The following RBP2 variants were observed in gnomAD, a reference collection of about 807,000 sequenced individuals.
The protein encoded by RBP2 is retinol binding protein 2.
RBP2 carries 17 observed loss-of-function variants against 17.0 expected under a neutral mutation model. The observed-to-expected ratio is 1.00, with a 90% CI of 0.68 to 1.50. RBP2 has a LOEUF of 1.50. Ranked by LOEUF, RBP2 falls within the 40% of genes most tolerant of loss-of-function variation. The pLI is 0.00. For missense variants in RBP2, 158 were observed against 168.2 expected, an observed-to-expected ratio of 0.94 and a Z score of 0.33; for synonymous variants, 48 against 57.1, an observed-to-expected ratio of 0.84 and a Z score of 0.72.
chr3:139,460,200 G>A (rs1264483068), intron 2 of RBP2, among the ~76,000 whole-genome samples: 1 of 152,192 alleles, frequency 6.6e-6, no homozygotes, highest in African/African-American at 2.4e-5. Flanking sequence ...GAAATTCTGA[G>A]ATCAATTTTC....
Position 139,456,743 on chromosome 3 carries a change from T to A in RBP2, c.253-1913A>T, listed in dbSNP as rs555598048. On this transcript the variant is annotated intron_variant, in intron 2 of 3. Coordinates refer to ENST00000232217, the MANE Select transcript of RBP2 (RefSeq NM_004164.3). ...TTACTTTTTACTTTTTGATTTTTTT[T>A]AACCATCTGCATGTATTCATATTCC... Among the ~76,000 whole-genome samples the A allele has an allele frequency of 5.3e-5, 8 of 152,316 alleles. No individual in the cohort carries two copies. In the East Asian group the frequency reaches 1.2e-3, roughly 22 times the overall value.
At chr3:139,459,532 A>G (rs536850128) in intron 2 of RBP2, among the ~76,000 whole-genome samples, 199 of 150,850 alleles carry the variant, frequency 1.3e-3, no homozygotes, top group African/African-American at 4.8e-3. Context: ...CTGAGGCAGG[A>G]GAATTGCTTG....
In RBP2 at chr3:139,457,306, C is replaced by A. The variant is rs1350370581; in HGVS notation, c.253-2476G>T. Among the ~76,000 whole-genome samples the A allele has an allele frequency of 2.0e-5, 3 of 152,334 alleles. No individual in the cohort carries two copies. In the East Asian group the frequency reaches 5.8e-4, roughly 29 times the overall value. On this transcript the variant is annotated intron_variant, in intron 2 of 3. Transcript: ENST00000232217. ...CACGTACATCAATATGGTCATTGTT[C>A]ATTTACTTGTCTGCCTTCCCCAGGA...
chr3:139,454,717 C>A lies in RBP2; in HGVS notation c.354+12G>T. 1 of 1,613,032 alleles carries A rather than the reference C, an allele frequency of 6.2e-7. No homozygotes were observed. Among genetic ancestry groups the A allele is most frequent in the Non-Finnish European group, 8.5e-7 (1 of 1,178,986 alleles). On this transcript the variant is annotated intron_variant, in intron 3 of 3. Coordinates refer to ENST00000232217, the MANE Select transcript of RBP2 (RefSeq NM_004164.3). ...CACAATGGAAGTGAGCTGAGCAGAACCCAGTACTTACCAGGTACAGCTTGT... is the reference window on the plus strand; with the variant it reads ...CACAATGGAAGTGAGCTGAGCAGAAACCAGTACTTACCAGGTACAGCTTGT...
intron 1 of RBP2, among the ~76,000 whole-genome samples, chr3:139,464,263 C>T (rs1172176819): frequency 1.3e-5 from 2 of 152,138 alleles, no homozygotes; most frequent in Non-Finnish European, 1.5e-5. Flanking sequence ...AGTTCAAGAC[C>T]AGCCTGGCCA....
intron 2 of RBP2, among the ~76,000 whole-genome samples, chr3:139,461,719 C>T (rs570656548): frequency 1.3e-5 from 2 of 152,354 alleles, no homozygotes; most frequent in East Asian, 1.9e-4. Context: ...CTGGCATCTT[C>T]AGGCTTCGCT....
At position 139,459,492 on chromosome 3, in the gene RBP2, G is replaced by A. The variant is rs201664493; in HGVS notation, c.252+2620C>T. On this transcript the variant is annotated intron_variant, in intron 2 of 3. Coordinates refer to ENST00000232217, the MANE Select transcript of RBP2 (RefSeq NM_004164.3). ...TATATATTTAGCCAGGCATGGTGGC[G>A]CACGCCTGTAATCCCAGCTACTTGG... 1.0e-4 allele frequency among the ~76,000 whole-genome samples: 15 copies of A among 147,128 alleles called. No homozygotes were observed. In the East Asian group the frequency reaches 1.6e-3, roughly 16 times the overall value.
At chr3:139,466,897 G>A (rs926656094) in intron 1 of RBP2, 1 of 152,220 alleles carries the variant, frequency 6.6e-6, no homozygotes, top group Admixed American at 6.6e-5. Context: ...ATCTCATAAG[G>A]CCGAGCCCCA....
At chr3:139,461,444 G>A (rs1933187383) in intron 2 of RBP2, among the ~76,000 whole-genome samples, 2 of 152,088 alleles carry the variant, frequency 1.3e-5, no homozygotes, top group Non-Finnish European at 2.9e-5. Flanking sequence ...ATCCCTTGTT[G>A]GTTAAGGCAA....
intron 1 of RBP2, among the ~76,000 whole-genome samples, chr3:139,467,069 G>A (rs1933391540): frequency 6.6e-6 from 1 of 152,136 alleles, no homozygotes; most frequent in African/African-American, 2.4e-5. Context: ...ATGAGGACAA[G>A]GACAATGACA....
At chr3:139,465,131 G>A (rs574040499) in intron 1 of RBP2, among the ~76,000 whole-genome samples, 1 of 152,320 alleles carries the variant, frequency 6.6e-6, no homozygotes, top group African/African-American at 2.4e-5. Flanking sequence ...GATTGAGTTG[G>A]AAGGAAGAAA....
intron 2 of RBP2, among the ~76,000 whole-genome samples, chr3:139,455,851 G>A (rs1485338060): frequency 2.0e-5 from 3 of 152,142 alleles, no homozygotes; most frequent in Admixed American, 2.0e-4. Context: ...AGGCTACAGT[G>A]GCCAGCAGGT....
intron 2 of RBP2, among the ~76,000 whole-genome samples, chr3:139,458,541 C>T (rs78699216): frequency 8.5e-5 from 13 of 152,304 alleles, no homozygotes; most frequent in African/African-American, 2.4e-4. Context: ...CATAAGGTTG[C>T]GTAACCATCA....
At chr3:139,454,693 A>C (rs1340346951) in intron 3 of RBP2, 36 bp downstream of exon 3, 2 of 1,600,074 alleles carry the variant, frequency 1.2e-6, no homozygotes, top group Non-Finnish European at 8.6e-7. Context: ...GTGTGTAAGC[A>C]CAATGGAAGT....
chr3:139,457,989 C>T (rs564419252), intron 2 of RBP2, among the ~76,000 whole-genome samples: 16 of 152,048 alleles, frequency 1.1e-4, no homozygotes, highest in Non-Finnish European at 2.4e-4. Flanking sequence ...CAAGAGAATA[C>T]CTTAATTATT....
chr3:139,474,282 G>C (rs1198169251), intron 1 of RBP2, among the ~76,000 whole-genome samples: 1 of 152,166 alleles, frequency 6.6e-6, no homozygotes, highest in Non-Finnish European at 1.5e-5. Flanking sequence ...TGTTGTTAGA[G>C]GCAGGATTTC....
At chr3:139,473,709 G>C (rs544785362) in intron 1 of RBP2, among the ~76,000 whole-genome samples, 1 of 152,326 alleles carries the variant, frequency 6.6e-6, no homozygotes, top group South Asian at 2.1e-4. Flanking sequence ...TGAAGGGGCA[G>C]CTCTTCCTTG....
intron 1 of RBP2, among the ~76,000 whole-genome samples, chr3:139,464,315 C>G (rs956702392): frequency 6.6e-6 from 1 of 152,052 alleles, no homozygotes; most frequent in Non-Finnish European, 1.5e-5. Flanking sequence ...AAAAATTATT[C>G]GGGCATGATG....
At chr3:139,464,292 T>C (rs1382851869) in intron 1 of RBP2, among the ~76,000 whole-genome samples, 2 of 152,132 alleles carry the variant, frequency 1.3e-5, no homozygotes, top group Non-Finnish European at 2.9e-5. Context: ...AAACCCTGTC[T>C]CTACAAAAAT....
Sources: allele counts gnomAD v4.1 joint callset (sites outside exome capture counted in the v4.1 genomes callset), GRCh38; gene constraint gnomAD v4.1.1; transcripts MANE v1.5; gene names NCBI Gene and HGNC (gene_info 2026-07-23, HGNC 2026-07-21).